The following COQ8B variants were observed in gnomAD, a reference collection of about 807,000 sequenced individuals.
COQ8B encodes coenzyme Q8B.
COQ8B carries 44 observed loss-of-function variants against 62.0 expected under a neutral mutation model. The observed-to-expected ratio is 0.71, with a 90% confidence interval of 0.56 to 0.91. The LOEUF (loss-of-function observed/expected upper bound fraction) is 0.91, where lower values mean the gene tolerates loss of function less well. Ranked by LOEUF, COQ8B falls within the 40% of genes least tolerant of loss-of-function variation. COQ8B has a pLI of 0.00. For missense variants in COQ8B, 649 were observed against 731.6 expected (o/e 0.89, Z 1.30); for synonymous variants, 252 against 289.9 (o/e 0.87, Z 1.33).
intron 4 of COQ8B, among the ~76,000 whole-genome samples, chr19:40,710,718 C>T (rs2082134361): frequency 6.6e-6 from 1 of 152,176 alleles, no homozygotes. Flanking sequence ...ACCAGAGGAG[C>T]TCCGGTAAAT....
chr19:40,692,847 C>T (rs1185617687), intron 14 of COQ8B, 104 bp downstream of exon 14: 9 of 962,558 alleles, frequency 9.4e-6, no homozygotes, highest in East Asian at 2.6e-5. Flanking sequence ...CCCCGGGTAT[C>T]GACATGCCCC....
intron 5 of COQ8B, 55 bp downstream of exon 5, chr19:40,710,004 C>T: frequency 6.3e-7 from 1 of 1,591,206 alleles, no homozygotes; most frequent in Non-Finnish European, 8.6e-7. Context: ...AAGTCACTTG[C>T]CCCAGGTCAC....
chr19:40,700,002 C>T (rs993690033), intron 12 of COQ8B, 65 bp downstream of exon 12: 58 of 1,485,442 alleles, frequency 3.9e-5, no homozygotes, highest in African/African-American at 1.8e-4. Flanking sequence ...GTTGAGCTAC[C>T]GAAATATCAA....
In COQ8B at chr19:40,692,386, G is replaced by A. The variant is rs774086810; in HGVS notation, c.1297-13C>T. ...CGTCGGAGAATGCCTGGGAGTGGGG[G>A]TGGGGGGAGAGCAAAGGCAGCCAGT... On this transcript the variant is annotated splice_polypyrimidine_tract_variant and intron_variant, in intron 14 of 14. Transcript: ENST00000324464. 4.3e-6 allele frequency: 7 copies of A among 1,610,970 alleles called. No homozygotes were observed. The highest frequency in any genetic ancestry group is 4.2e-6 in the Non-Finnish European group (5 of 1,179,122).
Position 40,710,102 on chromosome 19 carries a change from G to C in COQ8B, c.324C>G (p.Ala108=), listed in dbSNP as rs753341392. 12 of 1,613,846 alleles carry C rather than the reference G, an allele frequency of 7.4e-6. No individual in the cohort carries two copies. The Admixed American group carries it at 1.7e-4, about 22-fold the overall frequency. The change falls in exon 5 of 15, where the codon GCC becomes GCG. Residue 108 remains alanine, a synonymous_variant. Transcript: ENST00000324464. ...CTGGCATGGACTTCTTAGCCATCTC[G>C]GCCAGTACTCCTAGCCCCAAGCCCA... ...LAVGLGLGVL[A]EMAKKSMPGG...
At position 40,705,105 on chromosome 19, in the gene COQ8B, C is replaced by T; in HGVS notation, c.567G>A (p.Trp189Ter). 7 of 1,608,776 alleles carry T rather than the reference C, an allele frequency of 4.4e-6. No individual in the cohort carries two copies. Among genetic ancestry groups the T allele is most frequent in the Non-Finnish European group, 5.9e-6 (7 of 1,177,818 alleles). The change falls in exon 7 of 15, where the codon TGG (tryptophan) becomes TGA (stop). Residue 189 changes from tryptophan (W) to a stop codon, truncating the protein, a stop_gained. Coordinates refer to ENST00000324464, the MANE Select transcript of COQ8B (RefSeq NM_024876.4). LOFTEE classifies it high-confidence loss of function. ...VRQSADFMPR[W>*]QMLRVLEEEL... is the part of the protein sequence containing the mutation. ...CCCACTGGGCACTCACCAGCATCTG[C>T]CAGCGGGGCATGAAGTCGGCGCTCT...
In COQ8B at chr19:40,697,875, G is replaced by GAGAGAGAGAGAGAGAGAGGC. The variant is rs58313890; in HGVS notation, c.1144-1822_1144-1821insGCCTCTCTCTCTCTCTCTCT. ...ATAGAGAGAGAGAGAGAGAGAGAGA[G>GAGAGAGAGAGAGAGAGAGGC]AGTTTCTACTGGGCGTTCATGCAAA... On this transcript the variant is annotated intron_variant, in intron 12 of 14. Transcript: ENST00000324464. Among the ~76,000 whole-genome samples the GAGAGAGAGAGAGAGAGAGGC allele has an allele frequency of 2.5e-3, 254 of 103,366 alleles. 5 individuals carry two copies. Among genetic ancestry groups the GAGAGAGAGAGAGAGAGAGGC allele is most frequent in the East Asian group, 6.8e-3 (23 of 3,386 alleles). 67.8% of individuals were successfully genotyped at this position (103,366 alleles called of 152,430 possible).
intron 12 of COQ8B, among the ~76,000 whole-genome samples, chr19:40,699,058 C>T (rs1017870426): frequency 2.0e-5 from 3 of 151,714 alleles, no homozygotes; most frequent in Non-Finnish European, 4.4e-5. Flanking sequence ...AAGGGATCCT[C>T]CTGCCTCAGC....
chr19:40,693,636 C>G (rs145659974), intron 13 of COQ8B, among the ~76,000 whole-genome samples: 1 of 152,288 alleles, frequency 6.6e-6, no homozygotes, highest in Non-Finnish European at 1.5e-5. Context: ...TCCGTCCCAG[C>G]TCTGCCACCT....
rs2144692980 is a variant in COQ8B, at chr19:40,700,124, T to A, written c.1086A>T (p.Arg362=). ...CCCAGTTGGGGTCAGTCTGCATGAA[T>A]CGGAACTCAAACAGCTCCCGCAGAC... ...TLCLRELFEF[R]FMQTDPNWAN... Residue 362 remains arginine, a synonymous_variant, in exon 12 of 15, where the codon CGA becomes CGT. Transcript: ENST00000324464. 2 of 1,614,186 alleles carry A rather than the reference T, an allele frequency of 1.2e-6. No homozygotes were observed. Among genetic ancestry groups the A allele is most frequent in the African/African-American group, 1.3e-5 (1 of 75,036 alleles).
intron 13 of COQ8B, among the ~76,000 whole-genome samples, chr19:40,693,562 C>T: frequency 6.6e-6 from 1 of 152,088 alleles, no homozygotes; most frequent in East Asian, 1.9e-4. Context: ...GCCATGAGCT[C>T]ACACACACAG....
intron 7 of COQ8B, chr19:40,704,139 A>G: frequency 3.1e-6 from 1 of 324,402 alleles, no homozygotes; most frequent in South Asian, 6.7e-5. Context: ...GTTAAGACTC[A>G]TAACAATCCT....
At chr19:40,698,809 G>T (rs878881793) in intron 12 of COQ8B, among the ~76,000 whole-genome samples, 1 of 152,052 alleles carries the variant, frequency 6.6e-6, no homozygotes, top group Non-Finnish European at 1.5e-5. Flanking sequence ...GACCCCTCTG[G>T]GGACAAAATG....
chr19:40,702,814 G>A, intron 9 of COQ8B, 121 bp from the exon 10 acceptor site: 2 of 845,698 alleles, frequency 2.4e-6, no homozygotes, highest in African/African-American at 1.8e-5. Context: ...CTCTAGGCCT[G>A]TGACCCACAT....
chr19:40,699,474 G>A (rs1195178022), intron 12 of COQ8B, among the ~76,000 whole-genome samples: 1 of 151,970 alleles, frequency 6.6e-6, no homozygotes, highest in Non-Finnish European at 1.5e-5. Flanking sequence ...ATCGCTGTGT[G>A]GTGCCAGGTC....
chr19:40,700,038 T>C, intron 12 of COQ8B, 29 bp downstream of exon 12: 1 of 1,587,774 alleles, frequency 6.3e-7, no homozygotes, highest in Non-Finnish European at 8.6e-7. Flanking sequence ...ACAGCAAATG[T>C]ACCCAGACAC....
Position 40,691,756 on chromosome 19 carries a change from G to A in COQ8B, c.*279C>T. On this transcript the variant is annotated 3_prime_UTR_variant, in exon 15 of 15. Coordinates refer to ENST00000324464, the MANE Select transcript of COQ8B (RefSeq NM_024876.4). ...AGTCTGATCTGCATAACGACATGCA[G>A]CGGCCCAAGGCTCCCTCAAATGTTG... 3.0e-6 allele frequency: 1 copy of A among 335,448 alleles called. No homozygotes were observed. Among genetic ancestry groups the A allele is most frequent in the Non-Finnish European group, 5.4e-6 (1 of 183,848 alleles). The allele number at this position is 335,448 out of a possible 1,614,324, so 20.8% of individuals were successfully genotyped here. A position where few individuals can be genotyped will look rare whatever the true frequency, so the allele number is the denominator to read the frequency against.
At chr19:40,706,233 T>C (rs921348518) in intron 5 of COQ8B, among the ~76,000 whole-genome samples, 1 of 152,160 alleles carries the variant, frequency 6.6e-6, no homozygotes, top group African/African-American at 2.4e-5. Flanking sequence ...GGGCAACGAT[T>C]CTCGAAATGT....
chr19:40,696,159 C>T, intron 12 of COQ8B, 105 bp from the exon 13 acceptor site: 1 of 1,278,312 alleles, frequency 7.8e-7, no homozygotes, highest in Admixed American at 1.7e-5. Context: ...CTGCCTGCTC[C>T]TGCCAGAGTC....
Sources: gnomAD v4.1 joint callset for allele counts (sites outside exome capture counted in the v4.1 genomes callset) on GRCh38, gnomAD v4.1.1 for gene constraint, MANE v1.5 for transcripts, NCBI Gene and HGNC (gene_info 2026-07-23, HGNC 2026-07-21) for gene names.